IGFBP5: variants seen among roughly 807,000 people sequenced by gnomAD.
IGFBP5 encodes insulin like growth factor binding protein 5, also known as insulin-like growth factor-binding protein 5.
In IGFBP5, 12 loss-of-function variants were observed where a neutral mutation model predicts 28.0. The observed-to-expected ratio is 0.43, with a 90% CI of 0.27 to 0.69. The LOEUF is 0.69. IGFBP5 is among the 30% of genes least tolerant of loss of function. The pLI, the probability that IGFBP5 is intolerant of heterozygous loss-of-function variation, is 0.20. For missense variants in IGFBP5, 344 were observed against 381.6 expected (o/e 0.90, Z 0.82); for synonymous variants, 152 against 150.2 (o/e 1.01, Z -0.09).
chr2:216,682,372 C>T (rs1314857539), intron 1 of IGFBP5, among the ~76,000 whole-genome samples: 1 of 152,182 alleles, frequency 6.6e-6, no homozygotes, highest in Admixed American at 6.5e-5. Context: ...GTGCCAGAAG[C>T]AGCCAGCCCG....
chr2:216,689,120 C>T (rs189891517), intron 1 of IGFBP5, among the ~76,000 whole-genome samples: 148 of 152,328 alleles, frequency 9.7e-4, no homozygotes, highest in African/African-American at 3.3e-3. Flanking sequence ...CACCCTCTCT[C>T]GATCTCTGCT....
rs11575194 is a variant in IGFBP5, at chr2:216,679,005, G to T, written c.412C>A (p.Arg138=). The T allele has an allele frequency of 1.3e-5, 21 of 1,614,088 alleles. No homozygotes were observed. The highest frequency in any genetic ancestry group is 1.7e-5 in the Non-Finnish European group (20 of 1,180,018). ...TCGGAGATGCGGGTGTGTTTGGGCCGGAAGATCTTGGGGGAGTAGGTCTCC... is the reference window on the plus strand; with the variant it reads ...TCGGAGATGCGGGTGTGTTTGGGCCTGAAGATCTTGGGGGAGTAGGTCTCC... ...AEETYSPKIF[R]PKHTRISELK... Residue 138 remains arginine (R), a synonymous_variant, in exon 2 of 4, where the codon CGG becomes AGG. Coordinates refer to ENST00000233813, the MANE Select transcript of IGFBP5 (RefSeq NM_000599.4). The surrounding 1 kb of genome is among the most constrained non-coding windows in gnomAD (Gnocchi z 4.6).
At position 216,676,729 on chromosome 2, in the gene IGFBP5, G is replaced by A. The variant is rs755578165; in HGVS notation, c.*22C>T. On this transcript the variant is annotated 3_prime_UTR_variant, in exon 4 of 4. Coordinates refer to ENST00000233813, the MANE Select transcript of IGFBP5 (RefSeq NM_000599.4). The stretch of plus-strand genomic sequence containing the variant: ...GGGGCTGGGGGTGGGAGGGGGTGAG[G>A]GAAAGGTTGGGGGGGGACGCATCAC... 8.2e-6 allele frequency: 12 copies of A among 1,471,486 alleles called. No homozygotes were observed. The African/African-American group carries it at 1.1e-4, about 14-fold the overall frequency. 91.2% of individuals were successfully genotyped at this position (1,471,486 alleles called of 1,614,324 possible).
chr2:216,694,385 TCGTGTCCCCCGCC>T lies in IGFBP5; in HGVS notation c.337+41_337+53del. On this transcript the variant is annotated intron_variant, in intron 1 of 3. Coordinates refer to ENST00000233813, the MANE Select transcript of IGFBP5 (RefSeq NM_000599.4). The surrounding 1 kb of genome is among the most constrained non-coding windows in gnomAD (Gnocchi z 5.2). ...GCAAAGCGCGCGGGCCCAGCCGGTC[TCGTGTCCCCCGCC>T]CGTGCGCCGCGTAACTGACTGGCAC... 1 of 1,410,700 alleles carries T rather than the reference TCGTGTCCCCCGCC, an allele frequency of 7.1e-7. No homozygotes were observed. Among genetic ancestry groups the T allele is most frequent in the East Asian group, 2.7e-5 (1 of 36,780 alleles). 87.4% of individuals were successfully genotyped at this position (1,410,700 alleles called of 1,614,324 possible).
chr2:216,676,754 C>A lies in IGFBP5; in HGVS notation c.816G>T (p.Glu272Asp), dbSNP rs1180882575. Residue 272 changes from glutamate to aspartate, a missense_variant, in exon 4 of 4, where the codon GAG (glutamate) becomes GAT (aspartate). By Grantham distance (45) the Glu-to-Asp change is conservative. Around this residue, in one of 3 missense-constraint regions of IGFBP5, gnomAD observed 36 missense variants for 34.1 expected, o/e 1.06. Coordinates refer to ENST00000233813, the MANE Select transcript of IGFBP5 (RefSeq NM_000599.4). ...QCHTFDSSNV[E>D] is the part of the protein sequence containing the mutation. ...GGAAAGGTTGGGGGGGGACGCATCA[C>A]TCAACGTTGCTGCTGTCGAAGGTGT... 10 of 1,612,790 alleles carry A rather than the reference C, an allele frequency of 6.2e-6. No homozygotes were observed. The East Asian group carries it at 2.0e-4, about 32-fold the overall frequency.
At position 216,694,586 on chromosome 2, in the gene IGFBP5, C is replaced by T; in HGVS notation, c.190G>A (p.Gly64Arg). Residue 64 changes from glycine (G) to arginine (R), a missense_variant, in exon 1 of 4, where the codon GGG (glycine) becomes AGG (arginine). Physicochemically the swap from Gly to Arg is moderately radical, Grantham distance 125. Coordinates refer to ENST00000233813, the MANE Select transcript of IGFBP5 (RefSeq NM_000599.4). This position sits in a 1 kb window ranked among gnomAD's most constrained non-coding sequence, Gnocchi z 5.2. ...TCGGTGTAGACGCCGCACGACTGCCCCTCGGCCAGGGCGCAGGTCATGCAG... is the reference window on the plus strand; with the variant it reads ...TCGGTGTAGACGCCGCACGACTGCCTCTCGGCCAGGGCGCAGGTCATGCAG... ...GCCMTCALAE[G>R]QSCGVYTERC... The T allele has an allele frequency of 6.4e-7, 1 of 1,552,320 alleles. No individual in the cohort carries two copies. The highest frequency in any genetic ancestry group is 1.4e-5 in the African/African-American group (1 of 73,098).
chr2:216,678,131 C>A lies in IGFBP5; in HGVS notation c.668G>T (p.Gly223Val). The A allele has an allele frequency of 6.4e-7, 1 of 1,563,648 alleles. No individual in the cohort carries two copies. The highest frequency in any genetic ancestry group is 8.7e-7 in the Non-Finnish European group (1 of 1,149,678). The change falls in exon 3 of 4, where the codon GGA becomes GTA. Residue 223 changes from glycine (G) to valine (V), a missense_variant. Gly to Val is a moderately radical substitution (Grantham distance 109). Around this residue, in one of 3 missense-constraint regions of IGFBP5, gnomAD observed 304 missense variants for 329.2 expected, o/e 0.92. Transcript: ENST00000233813. ...ACGTACCTGCTTTCTCTTGTAGAAT[C>A]CTTTGCGGTCACAATTGGGCAGGTA... Reference protein sequence around the residue: ...AVYLPNCDRKGFYKRKQCKPS... With the variant: ...AVYLPNCDRKVFYKRKQCKPS...
At chr2:216,681,324 C>G (rs1385550292) in intron 1 of IGFBP5, among the ~76,000 whole-genome samples, 2 of 152,084 alleles carry the variant, frequency 1.3e-5, no homozygotes. Context: ...CTACTGAAAG[C>G]CTGGAGGGGG....
chr2:216,678,151 C>T lies in IGFBP5; in HGVS notation c.648G>A (p.Leu216=). ...AGAATCCTTTGCGGTCACAATTGGG[C>T]AGGTACACAGCACGGGGCACCATGC... ...SPRMVPRAVY[L]PNCDRKGFYK... Residue 216 remains leucine, a synonymous_variant, in exon 3 of 4, where the codon CTG becomes CTA. Coordinates refer to ENST00000233813, the MANE Select transcript of IGFBP5 (RefSeq NM_000599.4). 6.3e-7 allele frequency: 1 copy of T among 1,587,160 alleles called. No homozygotes were observed. The highest frequency in any genetic ancestry group is 8.6e-7 in the Non-Finnish European group (1 of 1,163,516).
At chr2:216,678,083 G>A in intron 3 of IGFBP5, 29 bp downstream of exon 3, 1 of 1,426,030 alleles carries the variant, frequency 7.0e-7, no homozygotes, top group Non-Finnish European at 9.3e-7. Flanking sequence ...GGAGCAGTCT[G>A]AGCCTGGAGC....
Position 216,676,677 on chromosome 2 carries a change from G to T in IGFBP5, c.*74C>A. 2 of 937,586 alleles carry T rather than the reference G, an allele frequency of 2.1e-6. No homozygotes were observed. The highest frequency in any genetic ancestry group is 3.3e-6 in the Non-Finnish European group (2 of 602,812). 58.1% of individuals were successfully genotyped at this position (937,586 alleles called of 1,614,324 possible). On this transcript the variant is annotated 3_prime_UTR_variant, in exon 4 of 4. Transcript: ENST00000233813. The stretch of plus-strand genomic sequence containing the variant: ...ATGAGATGAAATGAGTGGCGTCCTG[G>T]GGTGGAGGGAGGCGCTGGCTGGAGT...
chr2:216,693,046 A>G (rs1181559792), intron 1 of IGFBP5, among the ~76,000 whole-genome samples: 1 of 152,206 alleles, frequency 6.6e-6, no homozygotes, highest in Non-Finnish European at 1.5e-5. Context: ...CTCCGTAACT[A>G]AACTACGCCA....
In IGFBP5 at chr2:216,678,846, G is replaced by T; in HGVS notation, c.567+4C>A. 1 of 1,608,392 alleles carries T rather than the reference G, an allele frequency of 6.2e-7. No homozygotes were observed. The highest frequency in any genetic ancestry group is 8.5e-7 in the Non-Finnish European group (1 of 1,175,218). Reference sequence around the variant, plus strand: ...GAGGGAATGAGGGAATCCCCGAGATGCACCTGCTCAGACTCCTGTCTCATC... The same window carrying T: ...GAGGGAATGAGGGAATCCCCGAGATTCACCTGCTCAGACTCCTGTCTCATC... On this transcript the variant is annotated splice_donor_region_variant and intron_variant, in intron 2 of 3. Coordinates refer to ENST00000233813, the MANE Select transcript of IGFBP5 (RefSeq NM_000599.4).
Position 216,694,050 on chromosome 2 carries a change from A to T in IGFBP5, c.337+389T>A, listed in dbSNP as rs1370706270. Among the ~76,000 whole-genome samples, 1 of 151,642 alleles carries T rather than the reference A, an allele frequency of 6.6e-6. No homozygotes were observed. The highest frequency in any genetic ancestry group is 2.4e-5 in the African/African-American group (1 of 41,224). The stretch of plus-strand genomic sequence containing the variant: ...ATTTTTTTTCCAAGTTCAGAAAAAA[A>T]CCTATGCGGGGCGCGAGGGGGGTGG... On this transcript the variant is annotated intron_variant, in intron 1 of 3. Coordinates refer to ENST00000233813, the MANE Select transcript of IGFBP5 (RefSeq NM_000599.4). The surrounding 1 kb of genome is among the most constrained non-coding windows in gnomAD (Gnocchi z 5.2).
chr2:216,678,222 G>T lies in IGFBP5; in HGVS notation c.577C>A (p.Arg193Ser). 6.3e-7 allele frequency: 1 copy of T among 1,574,936 alleles called. No individual in the cohort carries two copies. The highest frequency in any genetic ancestry group is 8.6e-7 in the Non-Finnish European group (1 of 1,157,588). ...MRQESEQGPCRRHMEASLQEL... is the reference protein window; with the variant it reads ...MRQESEQGPCSRHMEASLQEL... ...TGCAGGGAAGCCTCCATGTGTCTGC[G>T]GCAGGGGCCCTGTGTGGACAGGAGG... is the stretch of plus-strand genomic sequence containing the variant. Residue 193 changes from arginine (R) to serine (S), a missense_variant, in exon 3 of 4, where the codon CGC becomes AGC. Physicochemically the swap from Arg to Ser is moderately radical, Grantham distance 110 (BLOSUM62 -1). Coordinates refer to ENST00000233813, the MANE Select transcript of IGFBP5 (RefSeq NM_000599.4).
Position 216,694,378 on chromosome 2 carries a change from G to A in IGFBP5, c.337+61C>T. The A allele has an allele frequency of 7.2e-7, 1 of 1,389,826 alleles. No individual in the cohort carries two copies. Among genetic ancestry groups the A allele is most frequent in the Non-Finnish European group, 9.4e-7 (1 of 1,058,988 alleles). 86.1% of individuals were successfully genotyped at this position (1,389,826 alleles called of 1,614,324 possible). On this transcript the variant is annotated intron_variant, in intron 1 of 3. Transcript: ENST00000233813. The surrounding 1 kb of genome is among the most constrained non-coding windows in gnomAD (Gnocchi z 5.2). Reference sequence around the variant, plus strand: ...TTGCTGCGCAAAGCGCGCGGGCCCAGCCGGTCTCGTGTCCCCCGCCCGTGC... The same window carrying A: ...TTGCTGCGCAAAGCGCGCGGGCCCAACCGGTCTCGTGTCCCCCGCCCGTGC...
chr2:216,676,590 C>G lies in IGFBP5; in HGVS notation c.*161G>C, dbSNP rs1371146617. 1 of 493,104 alleles carries G rather than the reference C, an allele frequency of 2.0e-6. No individual in the cohort carries two copies. Among genetic ancestry groups the G allele is most frequent in the Non-Finnish European group, 3.6e-6 (1 of 278,278 alleles). The allele number at this position is 493,104 out of a possible 1,614,324, so 30.5% of individuals were successfully genotyped here. On this transcript the variant is annotated 3_prime_UTR_variant, in exon 4 of 4. Transcript: ENST00000233813. Reference sequence around the variant, plus strand: ...TTGTTGCCATTTTCGAAGTTGAGCCCTTGCTAGAGATTCCGAGGTCCTCAG... The same window carrying G: ...TTGTTGCCATTTTCGAAGTTGAGCCGTTGCTAGAGATTCCGAGGTCCTCAG...
rs11575164 is a variant in IGFBP5, at chr2:216,684,306, C to T, written c.338-5227G>A. Among the ~76,000 whole-genome samples, 53 of 152,280 alleles carry T rather than the reference C, an allele frequency of 3.5e-4. No homozygotes were observed. The East Asian group carries it at 5.6e-3, about 16-fold the overall frequency. ...GAGACCTGCCTGCCTAAAATCTAAA[C>T]CCCCCGCCCCCGGACCTCTTAGCCA... On this transcript the variant is annotated intron_variant, in intron 1 of 3. Transcript: ENST00000233813.
At chr2:216,684,216 T>G (rs1028492844) in intron 1 of IGFBP5, among the ~76,000 whole-genome samples, 22 of 152,216 alleles carry the variant, frequency 1.4e-4, no homozygotes, top group Non-Finnish European at 2.2e-4. Flanking sequence ...GCTGTTCTCT[T>G]CCAGTAGAGT....
Sources: allele counts gnomAD v4.1 joint callset (sites outside exome capture counted in the v4.1 genomes callset), GRCh38; gene constraint gnomAD v4.1.1; regional missense constraint gnomAD v4.1.1; non-coding constraint Gnocchi (gnomAD v3.1); transcripts MANE v1.5; gene names NCBI Gene and HGNC (gene_info 2026-07-23, HGNC 2026-07-21).